TRMT11: variants seen among roughly 807,000 people sequenced by gnomAD.
TRMT11 encodes tRNA (guanine(10)-N(2))-methyltransferase TRMT11.
In TRMT11, 53 loss-of-function variants were observed where a neutral mutation model predicts 62.8. That is an observed-to-expected ratio of 0.84 (90% CI 0.68 to 1.06). TRMT11 has a LOEUF of 1.06. Ranked by LOEUF, TRMT11 falls within the 50% of genes least tolerant of loss-of-function variation. TRMT11 has a pLI of 0.00. For synonymous variants in TRMT11, 188 were observed against 190.3 expected (o/e 0.99, Z 0.10); for missense variants, 556 against 553.4 (o/e 1.00, Z -0.05).
chr6:126,084,684 T>C (rs1777195413), intron 17 of TRMT11, among the ~76,000 whole-genome samples: 1 of 152,158 alleles, frequency 6.6e-6, no homozygotes, highest in African/African-American at 2.4e-5. Context: ...AAACATAATC[T>C]TATATTTAGG....
the TRMT11 span, among the ~76,000 whole-genome samples, chr6:126,264,891 A>C: frequency 2.0e-5 from 3 of 152,190 alleles, no homozygotes; most frequent in Middle Eastern, 3.4e-3. Context: ...CTTTTAAATA[A>C]ATCTCTTTCT....
Position 126,137,702 on chromosome 6 carries a change from G to T in TRMT11, c.*1823+21847G>T, listed in dbSNP as rs528407378. Among the ~76,000 whole-genome samples the T allele has an allele frequency of 2.0e-5, 3 of 151,996 alleles. No homozygotes were observed. In the South Asian group the frequency reaches 6.2e-4, roughly 32 times the overall value. On this transcript the variant is annotated intron_variant and NMD_transcript_variant, in intron 21 of 22. Transcript: ENST00000648977. ...TTGCAGTAGTATTTGCAATAGCCAA[G>T]ATATGGAATCAACCTAAGTGTCCAT...
chr6:126,022,526 A>T (rs1795978640), intron 12 of TRMT11, among the ~76,000 whole-genome samples: 1 of 152,142 alleles, frequency 6.6e-6, no homozygotes, highest in South Asian at 2.1e-4. Flanking sequence ...TTAGACCCTT[A>T]TTACCATACA....
At position 126,021,417 on chromosome 6, in the gene TRMT11, A is replaced by T. The variant is rs1011562593; in HGVS notation, c.1260+137A>T. 9.4e-6 allele frequency: 10 copies of T among 1,064,202 alleles called. No homozygotes were observed. The African/African-American group carries it at 1.4e-4, about 15-fold the overall frequency. 65.9% of individuals were successfully genotyped at this position (1,064,202 alleles called of 1,614,324 possible). ...ATTACAGATCAATTTAGGAAGAGGC[A>T]GAAGTTGAAGAGATTTGTGGCATCC... On this transcript the variant is annotated intron_variant, in intron 12 of 12. Transcript: ENST00000334379.
intron 21 of TRMT11, among the ~76,000 whole-genome samples, chr6:126,144,488 G>A (rs1777953360): frequency 6.6e-6 from 1 of 152,184 alleles, no homozygotes; most frequent in South Asian, 2.1e-4. Context: ...ACCAGCTAAT[G>A]AGGGTGCAGG....
intron 21 of TRMT11, among the ~76,000 whole-genome samples, chr6:126,164,158 A>G (rs1240146546): frequency 1.3e-5 from 2 of 152,166 alleles, no homozygotes; most frequent in Non-Finnish European, 2.9e-5. Flanking sequence ...CATCCCAGAG[A>G]TTCTGGCATG....
upstream of TRMT11, among the ~76,000 whole-genome samples, chr6:126,176,023 T>C (rs1286467803): frequency 6.6e-6 from 1 of 152,188 alleles, no homozygotes; most frequent in African/African-American, 2.4e-5. Flanking sequence ...GTTTTCAGTT[T>C]TGGTTAGGAA....
downstream of TRMT11, among the ~76,000 whole-genome samples, chr6:126,208,252 T>A (rs1778807696): frequency 6.6e-6 from 1 of 152,142 alleles, no homozygotes; most frequent in Admixed American, 6.5e-5. Context: ...TAAAGGGGTA[T>A]TTTTTCCTAC....
rs570263038 is a variant in TRMT11 at position 126,071,362 on chromosome 6, T to A, written c.*1437+18172T>A. The stretch of plus-strand genomic sequence containing the variant: ...GTCCTGGCTTGAATTCTTTTTATTT[T>A]TTTTTTTTGTTTACCAAATTGCTTT... On this transcript the variant is annotated intron_variant and NMD_transcript_variant, in intron 17 of 22. Transcript: ENST00000648977. Among the ~76,000 whole-genome samples, 3 of 152,296 alleles carry A rather than the reference T, an allele frequency of 2.0e-5. No homozygotes were observed. In the East Asian group the frequency reaches 5.8e-4, roughly 29 times the overall value.
At chr6:126,177,616 C>A (rs1284536318) in intron 1 of TRMT11, among the ~76,000 whole-genome samples, 1 of 152,188 alleles carries the variant, frequency 6.6e-6, no homozygotes, top group Non-Finnish European at 1.5e-5. Flanking sequence ...TATATACTTC[C>A]CATTTCCTCA....
At chr6:126,006,700 A>G (rs1793407141) in intron 7 of TRMT11, 1 of 151,930 alleles carries the variant, frequency 6.6e-6, no homozygotes, top group South Asian at 2.1e-4. Context: ...TCAAAAGAAC[A>G]ACTAGATGAC....
chr6:126,251,163 T>G, the TRMT11 span, among the ~76,000 whole-genome samples: 1 of 151,926 alleles, frequency 6.6e-6, no homozygotes, highest in Non-Finnish European at 1.5e-5. Flanking sequence ...CCTGAGTAGC[T>G]GGGATTACAG....
the TRMT11 span, among the ~76,000 whole-genome samples, chr6:126,216,458 C>A: frequency 1.3e-5 from 2 of 151,906 alleles, no homozygotes; most frequent in Non-Finnish European, 2.9e-5. Context: ...TTCTTAATTT[C>A]TTCATTGACC....
chr6:126,189,285 T>C (rs1336660197), intron 1 of TRMT11, among the ~76,000 whole-genome samples: 2 of 152,132 alleles, frequency 1.3e-5, no homozygotes, highest in African/African-American at 2.4e-5. Context: ...ATGAGTTTCA[T>C]TTAAAAGGTG....
At chr6:126,215,929 G>A in the TRMT11 span, among the ~76,000 whole-genome samples, 2 of 151,954 alleles carry the variant, frequency 1.3e-5, no homozygotes, top group African/African-American at 2.4e-5. Context: ...TTGATTTCTT[G>A]TACTGTCTAT....
intron 1 of TRMT11, among the ~76,000 whole-genome samples, chr6:126,185,450 T>A (rs1017774684): frequency 1.4e-5 from 2 of 144,922 alleles, no homozygotes; most frequent in Non-Finnish European, 2.9e-5. Flanking sequence ...CCACCTAAAA[T>A]ACATATTGCA....
Position 126,085,763 on chromosome 6 carries a change from T to C in TRMT11, c.*1438-27103T>C, listed in dbSNP as rs992731128. 2.8e-4 allele frequency among the ~76,000 whole-genome samples: 43 copies of C among 152,286 alleles called. 1 individual carries two copies. Among genetic ancestry groups the C allele is most frequent in the African/African-American group, 1.0e-3 (43 of 41,548 alleles). ...CTCTGTATGATACTATCATGATAGA[T>C]ATATGTCAGTATACGTTTGTCCAAA... On this transcript the variant is annotated intron_variant and NMD_transcript_variant, in intron 17 of 22. Coordinates refer to the TRMT11 transcript ENST00000648977.
the TRMT11 span, among the ~76,000 whole-genome samples, chr6:126,269,037 G>A: frequency 1.3e-5 from 2 of 151,492 alleles, no homozygotes; most frequent in Non-Finnish European, 2.9e-5. Flanking sequence ...CGAGGCGGGC[G>A]GATCACGAGG....
Position 126,149,523 on chromosome 6 carries a change from A to G in TRMT11, c.*1824-25302A>G, listed in dbSNP as rs1778014194. 1.3e-5 allele frequency among the ~76,000 whole-genome samples: 2 copies of G among 152,168 alleles called. 1 individual carries two copies. The highest frequency in any genetic ancestry group is 4.1e-4 in the South Asian group (2 of 4,828). The stretch of plus-strand genomic sequence containing the variant: ...TATATTTACAGACAAGAAAAGTGAA[A>G]CTCAGTAACTTGCCTAACATTAAAT... On this transcript the variant is annotated intron_variant and NMD_transcript_variant, in intron 21 of 22. Coordinates refer to the TRMT11 transcript ENST00000648977.
Sources: gnomAD v4.1 joint callset for allele counts (sites outside exome capture counted in the v4.1 genomes callset) on GRCh38, gnomAD v4.1.1 for gene constraint, MANE v1.5 for transcripts, NCBI Gene and HGNC (gene_info 2026-07-23, HGNC 2026-07-21) for gene names.